Variants in ZFYVE19 observed in about 807,000 individuals in gnomAD.
The protein encoded by ZFYVE19 is abscission/NoCut checkpoint regulator.
A neutral mutation model predicts 62.8 loss-of-function variants in ZFYVE19; 49 were observed. The ratio of observed to expected loss-of-function variants is 0.78; its 90% CI spans 0.62 to 0.99. The LOEUF is 0.99. Ranked by LOEUF, ZFYVE19 falls within the 50% of genes least tolerant of loss-of-function variation. The probability of loss-of-function intolerance (pLI) is 0.00; values close to 1 mark genes in which losing one functional copy is unlikely to be tolerated. For missense variants in ZFYVE19, 630 were observed against 601.9 expected (o/e 1.05, Z -0.49); for synonymous variants, 242 against 234.3 (o/e 1.03, Z -0.30).
At chr15:40,811,740 C>A (rs549290084) in intron 6 of ZFYVE19, among the ~76,000 whole-genome samples, 92 of 152,278 alleles carry the variant, frequency 6.0e-4, no homozygotes, top group Non-Finnish European at 8.8e-4. Flanking sequence ...ACATACTATT[C>A]TTTTTTATAA....
chr15:40,811,242 C>G (rs1596116774), intron 6 of ZFYVE19, among the ~76,000 whole-genome samples: 2 of 152,218 alleles, frequency 1.3e-5, no homozygotes, highest in East Asian at 3.8e-4. Context: ...GGCTTCATGG[C>G]TACCATCTTG....
chr15:40,813,551 G>T, intron 8 of ZFYVE19, 134 bp downstream of exon 8: 3 of 1,169,052 alleles, frequency 2.6e-6, no homozygotes, highest in Non-Finnish European at 3.6e-6. Flanking sequence ...CCCAGACCCA[G>T]ACCTGCCCAC....
rs1236505619 is a variant in ZFYVE19, at chr15:40,807,095, T to A, written c.-495T>A. 2 of 718,516 alleles carry A rather than the reference T, an allele frequency of 2.8e-6. No homozygotes were observed. The highest frequency in any genetic ancestry group is 4.5e-6 in the Non-Finnish European group (2 of 447,928). 44.5% of individuals were successfully genotyped at this position (718,516 alleles called of 1,614,324 possible). A position where few individuals can be genotyped will look rare whatever the true frequency, so the allele number is the denominator to read the frequency against. ...AGGCGCAGAGGAGGCTAGCGTTCCT[T>A]GCTGCCTCGCCCCGCGGCCTCTAGG... On this transcript the variant is annotated 5_prime_UTR_variant, in exon 1 of 11. Coordinates refer to ENST00000355341, the MANE Select transcript of ZFYVE19 (RefSeq NM_001077268.2).
chr15:40,813,700 AC>A lies in ZFYVE19; in HGVS notation c.1111-10del, dbSNP rs764876821. 7.5e-6 allele frequency: 12 copies of A among 1,609,836 alleles called. 1 individual carries two copies. In the Middle Eastern group the frequency reaches 1.7e-3, roughly 230 times the overall value. On this transcript the variant is annotated splice_polypyrimidine_tract_variant and intron_variant, in intron 8 of 10. Coordinates refer to ENST00000355341, the MANE Select transcript of ZFYVE19 (RefSeq NM_001077268.2). ...TGAAGCAGGGGAGTAGTACATCTTC[AC>A]CCTGTCCGCAGCTCACTGAAGAAGC... is the stretch of plus-strand genomic sequence containing the variant.
rs748380058 is a variant in ZFYVE19 at position 40,807,669 on chromosome 15, T to G, written c.80T>G (p.Leu27Arg). ...AGGAGAGCGTCCGGATTCCCTGCTC[T>G]AGGTCGCGGCGGGACAGTGCCAGTG... ...GCRRASGFPA[L>R]GRGGTVPVGV... is the part of the protein sequence containing the mutation. Residue 27 changes from leucine to arginine, a missense_variant, in exon 1 of 11, where the codon CTA (leucine) becomes CGA (arginine). Transcript: ENST00000355341. 6.2e-7 allele frequency: 1 copy of G among 1,611,858 alleles called. No homozygotes were observed. Among genetic ancestry groups the G allele is most frequent in the Non-Finnish European group, 8.5e-7 (1 of 1,179,574 alleles).
Position 40,813,384 on chromosome 15 carries a change from TGAG to T in ZFYVE19, c.1081_1083del (p.Glu361del). 6.2e-7 allele frequency: 1 copy of T among 1,611,604 alleles called. No homozygotes were observed. The highest frequency in any genetic ancestry group is 8.5e-7 in the Non-Finnish European group (1 of 1,178,922). On this transcript the variant is annotated inframe_deletion, in exon 8 of 11. Coordinates refer to ENST00000355341, the MANE Select transcript of ZFYVE19 (RefSeq NM_001077268.2). ...TCCCAGACAGTGATGACGACGAGGA[TGAG>T]GAGACAGCCATCCAAAGAGTCCTGC...
rs1890558867 is a variant in ZFYVE19, at chr15:40,813,398, T to G, written c.1091T>G (p.Ile364Ser). The G allele has an allele frequency of 6.2e-7, 1 of 1,608,594 alleles. No homozygotes were observed. ...SDDDEDEETA[I>S]QRVLQQLTEE... ...GACGACGAGGATGAGGAGACAGCCATCCAAAGAGTCCTGCAGCAGGTGGGC... is the reference window on the plus strand; with the variant it reads ...GACGACGAGGATGAGGAGACAGCCAGCCAAAGAGTCCTGCAGCAGGTGGGC... Residue 364 changes from isoleucine (I) to serine (S), a missense_variant, in exon 8 of 11, where the codon ATC (isoleucine) becomes AGC (serine). Physicochemically the swap from Ile to Ser is moderately radical, Grantham distance 142. Coordinates refer to ENST00000355341, the MANE Select transcript of ZFYVE19 (RefSeq NM_001077268.2).
chr15:40,811,684 T>G (rs188422081), intron 6 of ZFYVE19, among the ~76,000 whole-genome samples: 31 of 152,262 alleles, frequency 2.0e-4, no homozygotes, highest in Admixed American at 7.8e-4. Context: ...AAGACCTGCC[T>G]GGGCAACATA....
intron 5 of ZFYVE19, 80 bp from the exon 6 acceptor site, chr15:40,810,569 G>A: frequency 6.6e-7 from 1 of 1,521,538 alleles, no homozygotes; most frequent in Non-Finnish European, 8.8e-7. Context: ...TGGGCTTTGA[G>A]AACTACTTAG....
chr15:40,809,498 A>G, intron 3 of ZFYVE19, 40 bp downstream of exon 3: 2 of 1,608,644 alleles, frequency 1.2e-6, no homozygotes, highest in Non-Finnish European at 1.7e-6. Flanking sequence ...CATTGGGGAA[A>G]GGATAAGGGA....
At position 40,814,353 on chromosome 15, in the gene ZFYVE19, C is replaced by T. The variant is rs1890605468; in HGVS notation, c.*127C>T. On this transcript the variant is annotated 3_prime_UTR_variant, in exon 11 of 11. Transcript: ENST00000355341. ...GATGATGGATAGGCCCCTTCCTGAG[C>T]CTTGGTGTCCCTGGAATGAGGAAAG... The T allele has an allele frequency of 9.7e-7, 1 of 1,026,466 alleles. No individual in the cohort carries two copies. 63.6% of individuals were successfully genotyped at this position (1,026,466 alleles called of 1,614,324 possible). A position where few individuals can be genotyped will look rare whatever the true frequency, so the allele number is the denominator to read the frequency against.
intron 6 of ZFYVE19, chr15:40,811,051 A>T: frequency 2.9e-6 from 1 of 349,742 alleles, no homozygotes; most frequent in South Asian, 2.7e-5. Context: ...GAAGGTATGT[A>T]TGGAAAAACC....
chr15:40,812,318 C>T (rs1405209853), intron 6 of ZFYVE19, among the ~76,000 whole-genome samples: 4 of 151,982 alleles, frequency 2.6e-5, no homozygotes, highest in Non-Finnish European at 5.9e-5. Flanking sequence ...GAGGCTGAGG[C>T]GGGTGGATCA....
chr15:40,808,919 C>T (rs1318871426), intron 1 of ZFYVE19, 200 bp from the exon 2 acceptor site: 2 of 608,618 alleles, frequency 3.3e-6, no homozygotes, highest in Admixed American at 6.1e-5. Flanking sequence ...TATAAACCTT[C>T]ATTTGGCTTG....
At position 40,809,722 on chromosome 15, in the gene ZFYVE19, A is replaced by C. The variant is rs974536159; in HGVS notation, c.453-130A>C. On this transcript the variant is annotated intron_variant, in intron 3 of 10. Transcript: ENST00000355341. ...CTGCAGGGTGACATGAGTGAGGGGCACAGCAGATTGCCCATTGGAGGCCTC... is the reference window on the plus strand; with the variant it reads ...CTGCAGGGTGACATGAGTGAGGGGCCCAGCAGATTGCCCATTGGAGGCCTC... 6 of 1,049,612 alleles carry C rather than the reference A, an allele frequency of 5.7e-6. No individual in the cohort carries two copies. In the African/African-American group the frequency reaches 9.5e-5, roughly 17 times the overall value. 65.0% of individuals were successfully genotyped at this position (1,049,612 alleles called of 1,614,324 possible).
chr15:40,813,413 A>G lies in ZFYVE19; in HGVS notation c.1106A>G (p.Gln369Arg). The change falls in exon 8 of 11, where the codon CAG (glutamine) becomes CGG (arginine). Residue 369 changes from glutamine (Q) to arginine (R), a missense_variant. Transcript: ENST00000355341. The part of the protein sequence containing the change: ...DEETAIQRVL[Q>R]QLTEEASLDE... ...GAGACAGCCATCCAAAGAGTCCTGC[A>G]GCAGGTGGGCCTGGATTACCCACCT... 1 of 1,603,988 alleles carries G rather than the reference A, an allele frequency of 6.2e-7. No homozygotes were observed. Among genetic ancestry groups the G allele is most frequent in the Non-Finnish European group, 8.5e-7 (1 of 1,175,296 alleles).
In ZFYVE19 at chr15:40,813,807, C is replaced by T; in HGVS notation, c.1205C>T (p.Pro402Leu). The change falls in exon 9 of 11, where the codon CCT becomes CTT. Residue 402 changes from proline to leucine, a missense_variant. Coordinates refer to ENST00000355341, the MANE Select transcript of ZFYVE19 (RefSeq NM_001077268.2). ...TGGACGCAACCCCGCGGGGCAGAGC[C>T]TGAGGTGAGAAAAGCCCCAGATGCA... ...RPWTQPRGAE[P>L]EAQDVDPRPE... 1 of 1,612,818 alleles carries T rather than the reference C, an allele frequency of 6.2e-7. No individual in the cohort carries two copies. Among genetic ancestry groups the T allele is most frequent in the East Asian group, 2.2e-5 (1 of 44,872 alleles).
intron 1 of ZFYVE19, chr15:40,808,201 C>T: frequency 6.3e-7 from 1 of 1,584,542 alleles, no homozygotes; most frequent in Non-Finnish European, 8.5e-7. Context: ...AGCGCGGTGT[C>T]CATCACACCA....
chr15:40,809,445 C>T lies in ZFYVE19; in HGVS notation c.439C>T (p.Gln147Ter), dbSNP rs1420682458. The change falls in exon 3 of 11, where the codon CAG becomes TAG. Residue 147 changes from glutamine to a stop codon, truncating the protein, a stop_gained. Coordinates refer to ENST00000355341, the MANE Select transcript of ZFYVE19 (RefSeq NM_001077268.2). LOFTEE classifies it high-confidence loss of function. ...CAATGCCTCCAAGTGGTCACCACCT[C>T]AGAACTATAAGAAGTAAGTGCTGAA... Reference protein sequence around the residue: ...SANASKWSPPQNYKKRVAALE... With the variant: ...SANASKWSPP 3 of 1,614,024 alleles carry T rather than the reference C, an allele frequency of 1.9e-6. No homozygotes were observed. The African/African-American group carries it at 4.0e-5, about 22-fold the overall frequency.
Sources: gnomAD v4.1 joint callset for allele counts (sites outside exome capture counted in the v4.1 genomes callset) on GRCh38, gnomAD v4.1.1 for gene constraint, MANE v1.5 for transcripts, NCBI Gene and HGNC (gene_info 2026-07-23, HGNC 2026-07-21) for gene names.